The following SORCS1 variants were observed in gnomAD, a reference collection of about 807,000 sequenced individuals.
The protein encoded by SORCS1 is VPS10 domain-containing receptor SorCS1.
Under a neutral mutation model 146.1 loss-of-function variants are expected in SORCS1, and 60 were observed. The ratio of observed to expected loss-of-function variants is 0.41; its 90% CI spans 0.33 to 0.51. The LOEUF is 0.51. Among genes scored for constraint, SORCS1 ranks in the 20% least tolerant of loss-of-function variants. The pLI is 0.21. For synonymous variants in SORCS1, 637 were observed against 584.0 expected, an observed-to-expected ratio of 1.09 and a Z score of -1.31; for missense variants, 1,352 against 1,487.6, an observed-to-expected ratio of 0.91 and a Z score of 1.50.
chr10:107,105,524 G>T lies in SORCS1; in HGVS notation c.558+58445C>A, dbSNP rs189937398. Among the ~76,000 whole-genome samples, 203 of 152,284 alleles carry T rather than the reference G, an allele frequency of 1.3e-3. 1 individual carries two copies. The highest frequency in any genetic ancestry group is 4.8e-3 in the African/African-American group (200 of 41,566). On this transcript the variant is annotated intron_variant, in intron 1 of 25. Coordinates refer to ENST00000263054, the MANE Select transcript of SORCS1 (RefSeq NM_052918.5). ...TGCAGCCTTCAGTCTGTGGCTGAAG[G>T]CCCGAGTGCCCCTGGCAAATCACTG... is the stretch of plus-strand genomic sequence containing the variant.
At chr10:106,824,240 G>A (rs1478121060) in intron 3 of SORCS1, among the ~76,000 whole-genome samples, 1 of 149,688 alleles carries the variant, frequency 6.7e-6, no homozygotes, top group Non-Finnish European at 1.5e-5. Context: ...GGAGGCGGAG[G>A]TTGCGGTTGT....
intron 1 of SORCS1, among the ~76,000 whole-genome samples, chr10:107,125,855 T>C (rs1193079484): frequency 1.3e-5 from 2 of 152,166 alleles, no homozygotes; most frequent in Non-Finnish European, 1.5e-5. Flanking sequence ...GAAGAGGTAA[T>C]TGACCACGAT....
At chr10:106,912,943 G>A (rs1952235686) in intron 2 of SORCS1, among the ~76,000 whole-genome samples, 1 of 152,110 alleles carries the variant, frequency 6.6e-6, no homozygotes, top group Non-Finnish European at 1.5e-5. Flanking sequence ...GCCTCCCAAA[G>A]TGCTGGGATT....
chr10:106,702,567 T>A (rs1854210754), intron 8 of SORCS1, among the ~76,000 whole-genome samples: 1 of 152,250 alleles, frequency 6.6e-6, no homozygotes, highest in Admixed American at 6.5e-5. Flanking sequence ...AGAGAACTAA[T>A]CACACAATGA....
chr10:106,602,284 T>C (rs145486870), intron 23 of SORCS1, among the ~76,000 whole-genome samples: 21 of 152,288 alleles, frequency 1.4e-4, no homozygotes, highest in Non-Finnish European at 2.6e-4. Flanking sequence ...TCTAGTGCCA[T>C]GTTTAAAGAG....
chr10:107,011,666 T>C (rs974112598), intron 1 of SORCS1, among the ~76,000 whole-genome samples: 2 of 152,184 alleles, frequency 1.3e-5, no homozygotes, highest in Non-Finnish European at 2.9e-5. Flanking sequence ...TGCCTAGAGA[T>C]TTGTCAGATA....
rs765751332 is a variant in SORCS1 at position 106,618,348 on chromosome 10, C to G, written c.2797-76G>C. 3.0e-4 allele frequency: 477 copies of G among 1,564,718 alleles called. 3 individuals carry two copies. The highest frequency in any genetic ancestry group is 1.0e-3 in the Middle Eastern group (6 of 5,870). Reference sequence around the variant, plus strand: ...GACACAGCCACTAACTGTGAGCCAACAATAGGCTGTCTAACCCAGCAGAGG... The same window carrying G: ...GACACAGCCACTAACTGTGAGCCAAGAATAGGCTGTCTAACCCAGCAGAGG... On this transcript the variant is annotated intron_variant, in intron 20 of 25. Transcript: ENST00000263054.
intron 10 of SORCS1, among the ~76,000 whole-genome samples, chr10:106,686,925 A>G (rs1395411568): frequency 1.3e-5 from 2 of 152,192 alleles, no homozygotes; most frequent in Non-Finnish European, 2.9e-5. Context: ...CCGCATGAAG[A>G]GTGTGAACAA....
At chr10:106,830,756 C>T (rs1174592639) in intron 2 of SORCS1, among the ~76,000 whole-genome samples, 1 of 151,860 alleles carries the variant, frequency 6.6e-6, no homozygotes, top group East Asian at 1.9e-4. Context: ...ATTAGCCTGG[C>T]CTGATGGCAC....
chr10:106,728,013 A>C (rs182239768), intron 6 of SORCS1, among the ~76,000 whole-genome samples: 1 of 151,312 alleles, frequency 6.6e-6, no homozygotes, highest in African/African-American at 2.4e-5. Flanking sequence ...GCTCTTTATC[A>C]TCAAAGCAAT....
Position 106,778,454 on chromosome 10 carries a change from G to C in SORCS1, c.727-1762C>G, listed in dbSNP as rs377212859. Among the ~76,000 whole-genome samples the C allele has an allele frequency of 5.3e-5, 8 of 152,080 alleles. 1 individual carries two copies. In the South Asian group the frequency reaches 6.2e-4, roughly 12 times the overall value. On this transcript the variant is annotated intron_variant, in intron 3 of 25. Transcript: ENST00000263054. ...GACGGCGTTCCCTCATCAGATGGCC[G>C]ACAAGGAGCCATCAGGTAATCTACG...
At chr10:106,674,375 G>C (rs2135506439) in intron 14 of SORCS1, among the ~76,000 whole-genome samples, 1 of 138,598 alleles carries the variant, frequency 7.2e-6, no homozygotes, top group East Asian at 2.1e-4. Flanking sequence ...TGGTAGGGGA[G>C]AGAATTAGCT....
At chr10:106,975,762 C>T (rs1350337315) in intron 1 of SORCS1, among the ~76,000 whole-genome samples, 1 of 152,204 alleles carries the variant, frequency 6.6e-6, no homozygotes, top group Admixed American at 6.5e-5. Flanking sequence ...TGCAATTCTG[C>T]AATCCTGTAA....
At chr10:107,100,349 T>A (rs1350014605) in intron 1 of SORCS1, among the ~76,000 whole-genome samples, 1 of 151,920 alleles carries the variant, frequency 6.6e-6, no homozygotes, top group Non-Finnish European at 1.5e-5. Flanking sequence ...CCGTCTCTAC[T>A]AAAAATACAA....
intron 2 of SORCS1, among the ~76,000 whole-genome samples, chr10:106,934,030 G>T (rs975018385): frequency 6.7e-6 from 1 of 148,698 alleles, no homozygotes. Flanking sequence ...GGAGGCGGAG[G>T]TTGCAGTGAG....
intron 3 of SORCS1, among the ~76,000 whole-genome samples, chr10:106,810,892 T>C (rs1350382344): frequency 1.3e-5 from 2 of 151,976 alleles, no homozygotes; most frequent in Non-Finnish European, 2.9e-5. Flanking sequence ...AGAGAAATCA[T>C]GAGGCTAGTT....
At chr10:106,670,420 G>A (rs1851500289) in intron 16 of SORCS1, among the ~76,000 whole-genome samples, 2 of 152,228 alleles carry the variant, frequency 1.3e-5, no homozygotes, top group South Asian at 4.2e-4. Flanking sequence ...TTATCACTAC[G>A]TTCACCGAGT....
At chr10:106,914,563 T>C (rs1316155672) in intron 2 of SORCS1, among the ~76,000 whole-genome samples, 1 of 152,186 alleles carries the variant, frequency 6.6e-6, no homozygotes, top group African/African-American at 2.4e-5. Context: ...ATGGCGGCCA[T>C]GCTCTGTCAT....
rs1171237384 is a variant in SORCS1 at position 106,612,369 on chromosome 10, C to A, written c.2921-346G>T. ...TCCCCCCTTCTCCTTTCCTCTGTCT[C>A]CCCCTTTCCCCCTTTTCTCCCCCTC... On this transcript the variant is annotated intron_variant, in intron 21 of 25. Coordinates refer to ENST00000263054, the MANE Select transcript of SORCS1 (RefSeq NM_052918.5). 3.3e-5 allele frequency among the ~76,000 whole-genome samples: 4 copies of A among 120,292 alleles called. No homozygotes were observed. The East Asian group carries it at 1.2e-3, about 37-fold the overall frequency. The allele number at this position is 120,292 out of a possible 152,430, so 78.9% of individuals were successfully genotyped here.
Sources: allele counts gnomAD v4.1 joint callset (sites outside exome capture counted in the v4.1 genomes callset), GRCh38; gene constraint gnomAD v4.1.1; transcripts MANE v1.5; gene names NCBI Gene and HGNC (gene_info 2026-07-23, HGNC 2026-07-21).